The following ATR variants were observed in gnomAD, a reference collection of about 807,000 sequenced individuals.
The protein encoded by ATR is serine/threonine-protein kinase ATR.
In ATR, 142 loss-of-function variants were observed where a neutral mutation model predicts 305.3. That is an observed-to-expected ratio of 0.47 (90% CI 0.41 to 0.53). ATR has a LOEUF of 0.53. Ranked by LOEUF, ATR falls within the 20% of genes least tolerant of loss-of-function variation. ATR has a pLI of 0.00. For missense variants in ATR, 2,135 were observed against 3,133.1 expected (o/e 0.68, Z 7.60); for synonymous variants, 1,050 against 1,068.1 (o/e 0.98, Z 0.33).
At chr3:142,456,222 A>G (rs900244280) in intron 45 of ATR, among the ~76,000 whole-genome samples, 1 of 152,074 alleles carries the variant, frequency 6.6e-6, no homozygotes, top group African/African-American at 2.4e-5. Context: ...AGATCACGTT[A>G]CTGCACTCCA....
intron 42 of ATR, among the ~76,000 whole-genome samples, chr3:142,461,232 C>G (rs1334933984): frequency 6.6e-6 from 1 of 151,980 alleles, no homozygotes; most frequent in African/African-American, 2.4e-5. Flanking sequence ...CATCTTTTGC[C>G]TATTAATTTT....
chr3:142,542,046 C>T (rs191840495), intron 17 of ATR, among the ~76,000 whole-genome samples: 100 of 152,200 alleles, frequency 6.6e-4, no homozygotes, highest in Non-Finnish European at 9.6e-4. Flanking sequence ...AAATTTCCAA[C>T]GGTGGCCAAC....
chr3:142,503,818 A>G (rs987192293), intron 29 of ATR, among the ~76,000 whole-genome samples: 3 of 152,234 alleles, frequency 2.0e-5, no homozygotes, highest in Middle Eastern at 3.2e-3. Context: ...TAGACAACAT[A>G]GAAAATCTCA....
Position 142,450,395 on chromosome 3 carries a change from G to A in ATR, c.7762-793C>T, listed in dbSNP as rs548273958. The stretch of plus-strand genomic sequence containing the variant: ...CTTTGCCAGACCTTTATCAAAATGG[G>A]GCTGCTGTCTTCTTTCACTTGTGAC... On this transcript the variant is annotated intron_variant, in intron 46 of 46. Transcript: ENST00000350721. 1.2e-5 allele frequency: 19 copies of A among 1,553,496 alleles called. No individual in the cohort carries two copies. The South Asian group carries it at 1.9e-4, about 16-fold the overall frequency.
chr3:142,462,220 C>T, intron 41 of ATR, 130 bp from the exon 42 acceptor site: 1 of 867,344 alleles, frequency 1.2e-6, no homozygotes, highest in South Asian at 1.7e-5. Flanking sequence ...ATGTGGTATA[C>T]ATGAATAATT....
intron 2 of ATR, 32 bp from the exon 3 acceptor site, chr3:142,566,293 T>A (rs758981882): frequency 6.2e-7 from 1 of 1,608,162 alleles, no homozygotes; most frequent in East Asian, 2.2e-5. Flanking sequence ...TAAAGAGTCA[T>A]GACAAATTAA....
intron 45 of ATR, among the ~76,000 whole-genome samples, chr3:142,453,727 A>G (rs1351877928): frequency 6.6e-6 from 1 of 152,090 alleles, no homozygotes; most frequent in Non-Finnish European, 1.5e-5. Context: ...TTTCCCAACT[A>G]TTTCTCCTGT....
At chr3:142,571,859 C>T (rs568974316) in intron 1 of ATR, among the ~76,000 whole-genome samples, 2 of 152,136 alleles carry the variant, frequency 1.3e-5, no homozygotes, top group South Asian at 2.1e-4. Flanking sequence ...CTCCGCCACC[C>T]GGGCTCAAGC....
At chr3:142,492,099 C>G (rs1404619063) in intron 35 of ATR, among the ~76,000 whole-genome samples, 3 of 152,166 alleles carry the variant, frequency 2.0e-5, no homozygotes, top group Non-Finnish European at 4.4e-5. Context: ...AGTAAGGTTA[C>G]TTGAAGATCA....
chr3:142,537,067 C>T (rs2033886117), intron 19 of ATR, among the ~76,000 whole-genome samples: 1 of 152,076 alleles, frequency 6.6e-6, no homozygotes, highest in Non-Finnish European at 1.5e-5. Flanking sequence ...ATGCTAAGCA[C>T]TCTGCTAGTC....
At chr3:142,566,074 A>T in intron 3 of ATR, 47 bp downstream of exon 3, 1 of 1,612,018 alleles carries the variant, frequency 6.2e-7, no homozygotes, top group Middle Eastern at 1.7e-4. Flanking sequence ...TAAAAGGAGG[A>T]TTTTATAGAA....
intron 13 of ATR, among the ~76,000 whole-genome samples, chr3:142,551,931 GGTCTAATATCCAGA>G (rs2034484680): frequency 6.6e-6 from 1 of 152,020 alleles, no homozygotes; most frequent in African/African-American, 2.4e-5. Context: ...ATCTGACAGA[GGTCTAATATCCAGA>G]GTCTACAAAG....
chr3:142,481,364 G>C (rs2030465809), intron 36 of ATR, among the ~76,000 whole-genome samples: 1 of 152,176 alleles, frequency 6.6e-6, no homozygotes, highest in Admixed American at 6.5e-5. Flanking sequence ...ATATGTATTT[G>C]GATATGTTGA....
chr3:142,576,863 G>A lies in ATR; in HGVS notation c.59+1783C>T, dbSNP rs192686038. Among the ~76,000 whole-genome samples, 4 of 151,568 alleles carry A rather than the reference G, an allele frequency of 2.6e-5. No individual in the cohort carries two copies. In the East Asian group the frequency reaches 5.8e-4, roughly 22 times the overall value. Reference sequence around the variant, plus strand: ...AACAATAGGACAAAATTTATCTGAGGGACTGAGGAAGAGCAGCCCATAAAT... The same window carrying A: ...AACAATAGGACAAAATTTATCTGAGAGACTGAGGAAGAGCAGCCCATAAAT... On this transcript the variant is annotated intron_variant, in intron 1 of 46. Coordinates refer to ENST00000350721, the MANE Select transcript of ATR (RefSeq NM_001184.4).
Position 142,515,463 on chromosome 3 carries a change from A to G in ATR, c.4435T>C (p.Tyr1479His). ...TDWSGVKKPI[Y>H]LSKLGSNFAE... is the part of the protein sequence containing the mutation. ...AAGTTACTACCCAATTTACTTAAGT[A>G]AATTGGCTTCTTTACTCCAGACCAA... The change falls in exon 25 of 47, where the codon TAC becomes CAC. Residue 1479 changes from tyrosine to histidine, a missense_variant. By Grantham distance (83) the Tyr-to-His change is moderately conservative. Transcript: ENST00000350721. 1 of 1,613,366 alleles carries G rather than the reference A, an allele frequency of 6.2e-7. No homozygotes were observed. Among genetic ancestry groups the G allele is most frequent in the African/African-American group, 1.3e-5 (1 of 75,030 alleles).
chr3:142,515,540 TA>T (rs573010908), intron 24 of ATR, 25 bp from the exon 25 acceptor site: 207 of 1,587,520 alleles, frequency 1.3e-4, no homozygotes, highest in Non-Finnish European at 1.7e-4. Flanking sequence ...ATTTGTTTAT[TA>T]AAAAGATAAA....
chr3:142,550,221 C>T lies in ATR; in HGVS notation c.2887G>A (p.Asp963Asn). The change falls in exon 14 of 47, where the codon GAT becomes AAT. Residue 963 changes from aspartate (D) to asparagine (N), a missense_variant. Coordinates refer to ENST00000350721, the MANE Select transcript of ATR (RefSeq NM_001184.4). ...PCQNADVRKQ[D>N]VAHQREMALN... ...GCCATTTCTCTCTGGTGAGCCACATCTTGTTTTCGCACGTCAGCATTCTGG... is the reference window on the plus strand; with the variant it reads ...GCCATTTCTCTCTGGTGAGCCACATTTTGTTTTCGCACGTCAGCATTCTGG... 1 of 1,614,190 alleles carries T rather than the reference C, an allele frequency of 6.2e-7. No homozygotes were observed. Among genetic ancestry groups the T allele is most frequent in the Non-Finnish European group, 8.5e-7 (1 of 1,180,022 alleles).
intron 13 of ATR, among the ~76,000 whole-genome samples, chr3:142,550,830 C>G (rs2034445538): frequency 6.6e-6 from 1 of 151,958 alleles, no homozygotes; most frequent in Non-Finnish European, 1.5e-5. Context: ...CTCTGTCACT[C>G]AGGCTGGAAT....
intron 22 of ATR, among the ~76,000 whole-genome samples, chr3:142,523,220 G>A (rs1232636535): frequency 1.3e-5 from 2 of 152,126 alleles, no homozygotes; most frequent in Non-Finnish European, 2.9e-5. Context: ...AGGAGTTCAA[G>A]ACCAGACTGG....
Sources: gnomAD v4.1 joint callset for allele counts (sites outside exome capture counted in the v4.1 genomes callset) on GRCh38, gnomAD v4.1.1 for gene constraint, MANE v1.5 for transcripts, NCBI Gene and HGNC (gene_info 2026-07-23, HGNC 2026-07-21) for gene names.